Variants in LRP2 observed in about 807,000 individuals in gnomAD.
LRP2 encodes the protein LDL receptor related protein 2, also known as low-density lipoprotein receptor-related protein 2.
Under a neutral mutation model 531.0 loss-of-function variants are expected in LRP2, and 172 were observed. That is an observed-to-expected ratio of 0.32 (90% CI 0.29 to 0.37). LRP2 has a LOEUF of 0.37. Ranked by LOEUF, LRP2 falls within the 10% of genes least tolerant of loss-of-function variation. The pLI, the probability that LRP2 is intolerant of heterozygous loss-of-function variation, is 1.00. For missense variants in LRP2, 5,167 were observed against 5,868.3 expected (o/e 0.88, Z 3.90); for synonymous variants, 1,992 against 2,027.6 (o/e 0.98, Z 0.47).
chr2:169,328,128 G>A (rs1381891412), intron 1 of LRP2, among the ~76,000 whole-genome samples: 29 of 128,640 alleles, frequency 2.3e-4, no homozygotes, highest in African/African-American at 3.0e-4. Context: ...CTGCCCAGCC[G>A]CCCCTACTGG....
intron 3 of LRP2, among the ~76,000 whole-genome samples, chr2:169,318,561 G>A (rs575356266): frequency 2.0e-4 from 31 of 152,102 alleles, no homozygotes; most frequent in African/African-American, 7.0e-4. Flanking sequence ...AAATTGCTGG[G>A]GTATATTCAT....
rs116482338 is a variant in LRP2, at chr2:169,246,951, C to T, written c.2944G>A (p.Gly982Ser). Residue 982 changes from glycine to serine, a missense_variant, in exon 21 of 79, where the codon GGT becomes AGT. Around this residue, in one of 6 missense-constraint regions of LRP2, gnomAD observed 2,811 missense variants for 3,058.0 expected, o/e 0.92. Coordinates refer to ENST00000649046, the MANE Select transcript of LRP2 (RefSeq NM_004525.3). ...GGGAAGCAGAAGTGGCTGCAGTCAC[C>T]GTTAGGATGCGTGGGTTGATTACAG... ...NACNQPTHPN[G>S]DCSHFCFPVP... 22 of 1,614,122 alleles carry T rather than the reference C, an allele frequency of 1.4e-5. No individual in the cohort carries two copies. The highest frequency in any genetic ancestry group is 3.3e-5 in the South Asian group (3 of 91,066).
chr2:169,149,661 AC>A (rs1358763660), intron 68 of LRP2, among the ~76,000 whole-genome samples: 3 of 151,992 alleles, frequency 2.0e-5, no homozygotes, highest in Admixed American at 1.3e-4. Flanking sequence ...ACATGGTGAA[AC>A]CCTGTCTCTA....
At chr2:169,243,622 T>G in intron 22 of LRP2, 100 bp from the exon 23 acceptor site, 1 of 1,410,262 alleles carries the variant, frequency 7.1e-7, no homozygotes. Flanking sequence ...GTTATCTCAA[T>G]TGTACATGGG....
intron 16 of LRP2, among the ~76,000 whole-genome samples, chr2:169,263,302 A>G (rs1470659133): frequency 6.6e-6 from 1 of 152,212 alleles, no homozygotes; most frequent in African/African-American, 2.4e-5. Flanking sequence ...ATCACAGTGA[A>G]CAGGCAACCC....
At chr2:169,337,845 G>A (rs1182065099) in intron 1 of LRP2, among the ~76,000 whole-genome samples, 3 of 152,130 alleles carry the variant, frequency 2.0e-5, no homozygotes, top group African/African-American at 7.2e-5. Context: ...GGTAGCTCAC[G>A]CCTATAATCC....
At chr2:169,203,611 T>G (rs1239477381) in intron 42 of LRP2, among the ~76,000 whole-genome samples, 1 of 152,054 alleles carries the variant, frequency 6.6e-6, no homozygotes, top group Non-Finnish European at 1.5e-5. Context: ...AATACAAAAA[T>G]TAGCTGGACA....
At position 169,238,097 on chromosome 2, in the gene LRP2, T is replaced by A; in HGVS notation, c.4500A>T (p.Arg1500Ser). Residue 1500 changes from arginine (R) to serine (S), a missense_variant, in exon 27 of 79, where the codon AGA becomes AGT. Physicochemically the swap from Arg to Ser is moderately radical, Grantham distance 110. Coordinates refer to ENST00000649046, the MANE Select transcript of LRP2 (RefSeq NM_004525.3). Reference sequence around the variant, plus strand: ...TCAACAGAAATGTACTTACCACTCTTCTGTCCGTTCCATTTTGAAACGCAC... The same window carrying A: ...TCAACAGAAATGTACTTACCACTCTACTGTCCGTTCCATTTTGAAACGCAC... ...TWSAFQNGTD[R>S]RVVFDSSIIL... 1 of 1,613,940 alleles carries A rather than the reference T, an allele frequency of 6.2e-7. No individual in the cohort carries two copies. Among genetic ancestry groups the A allele is most frequent in the South Asian group, 1.1e-5 (1 of 91,072 alleles).
rs533431214 is a variant in LRP2 at position 169,340,554 on chromosome 2, G to A, written c.80-19670C>T. Reference sequence around the variant, plus strand: ...GGAAAGTCTCCTTTAAACAGAGAAGGCATGTCCTCCTTTCTCCTTCTGCAA... The same window carrying A: ...GGAAAGTCTCCTTTAAACAGAGAAGACATGTCCTCCTTTCTCCTTCTGCAA... On this transcript the variant is annotated intron_variant, in intron 1 of 78. Transcript: ENST00000649046. Among the ~76,000 whole-genome samples the A allele has an allele frequency of 3.9e-5, 6 of 152,252 alleles. No individual in the cohort carries two copies. The East Asian group carries it at 1.2e-3, about 29-fold the overall frequency.
At chr2:169,161,631 A>G (rs1292664255) in intron 63 of LRP2, among the ~76,000 whole-genome samples, 4 of 151,824 alleles carry the variant, frequency 2.6e-5, no homozygotes, top group African/African-American at 9.7e-5. Flanking sequence ...ACACCACTAC[A>G]CCCAGCAAAT....
intron 62 of LRP2, among the ~76,000 whole-genome samples, chr2:169,164,804 A>G (rs1686724402): frequency 1.3e-5 from 2 of 152,178 alleles, no homozygotes; most frequent in Non-Finnish European, 2.9e-5. Flanking sequence ...ATAGAAGTTT[A>G]TGGATTCTTT....
intron 1 of LRP2, among the ~76,000 whole-genome samples, chr2:169,332,565 G>T (rs1158813416): frequency 6.6e-6 from 1 of 152,042 alleles, no homozygotes; most frequent in African/African-American, 2.4e-5. Flanking sequence ...GGTACAAAAT[G>T]GCAACTCACC....
chr2:169,156,250 A>G, intron 65 of LRP2, 24 bp downstream of exon 65: 1 of 1,613,360 alleles, frequency 6.2e-7, no homozygotes, highest in African/African-American at 1.3e-5. Context: ...AAAGTCAATT[A>G]ATCCCAACAT....
chr2:169,289,416 G>A (rs1221272237), intron 8 of LRP2, among the ~76,000 whole-genome samples: 1 of 152,092 alleles, frequency 6.6e-6, no homozygotes, highest in Admixed American at 6.5e-5. Flanking sequence ...CATTAGCCAG[G>A]CACAGTGGCT....
chr2:169,332,631 T>G (rs1471617239), intron 1 of LRP2, among the ~76,000 whole-genome samples: 2 of 152,168 alleles, frequency 1.3e-5, no homozygotes, highest in African/African-American at 2.4e-5. Context: ...GCTAAGTGGG[T>G]TTATAAGTCA....
At chr2:169,186,904 T>A (rs1002649823) in intron 49 of LRP2, among the ~76,000 whole-genome samples, 4 of 152,220 alleles carry the variant, frequency 2.6e-5, no homozygotes, top group African/African-American at 9.6e-5. Flanking sequence ...TCTATATGAA[T>A]TAGGAGTAAA....
At chr2:169,245,756 T>C (rs1689982209) in intron 21 of LRP2, among the ~76,000 whole-genome samples, 1 of 152,262 alleles carries the variant, frequency 6.6e-6, no homozygotes, top group South Asian at 2.1e-4. Flanking sequence ...AGAAAAGGAA[T>C]ATAACACATG....
At position 169,239,529 on chromosome 2, in the gene LRP2, G is replaced by A. The variant is rs758403388; in HGVS notation, c.4292C>T (p.Thr1431Ile). 1.9e-6 allele frequency: 3 copies of A among 1,614,030 alleles called. No homozygotes were observed. The highest frequency in any genetic ancestry group is 2.5e-6 in the Non-Finnish European group (3 of 1,179,908). Residue 1431 changes from threonine (T) to isoleucine (I), a missense_variant and splice_region_variant, in exon 26 of 79, where the codon ACA becomes ATA. By Grantham distance (89) the Thr-to-Ile change is moderately conservative (BLOSUM62 -1). Coordinates refer to ENST00000649046, the MANE Select transcript of LRP2 (RefSeq NM_004525.3). ...LESDGRTCKV[T>I]ASESLLLLVA... ...GCTCGGGTTAGTTCAGCAATTACCTGTAACTTTGCAAGTCCTCCCATCACT... is the reference window on the plus strand; with the variant it reads ...GCTCGGGTTAGTTCAGCAATTACCTATAACTTTGCAAGTCCTCCCATCACT...
Position 169,139,532 on chromosome 2 carries a change from T to C in LRP2, c.13267+11A>G, listed in dbSNP as rs1193657661. ...AGTAATTTCCAAGTTGCTCACATTC[T>C]TAAAACTTACTTGTTCCTGGAGAGA... On this transcript the variant is annotated intron_variant, in intron 73 of 78. Transcript: ENST00000649046. 1 of 1,614,114 alleles carries C rather than the reference T, an allele frequency of 6.2e-7. No individual in the cohort carries two copies.
Sources: allele counts gnomAD v4.1 joint callset (sites outside exome capture counted in the v4.1 genomes callset), GRCh38; gene constraint gnomAD v4.1.1; regional missense constraint gnomAD v4.1.1; transcripts MANE v1.5; gene names NCBI Gene and HGNC (gene_info 2026-07-23, HGNC 2026-07-21).